PDE1A: variants seen among roughly 807,000 people sequenced by gnomAD.
The protein encoded by PDE1A is phosphodiesterase 1A, also known as dual specificity calcium/calmodulin-dependent 3',5'-cyclic nucleotide phosphodiesterase 1A.
In PDE1A, 35 loss-of-function variants were observed where a neutral mutation model predicts 61.7. That is an observed-to-expected ratio of 0.57 (90% CI 0.43 to 0.75). The LOEUF is 0.75. PDE1A is among the 30% of genes least tolerant of loss of function. The pLI, the probability that PDE1A is intolerant of heterozygous loss-of-function variation, is 0.00. For synonymous variants in PDE1A, 232 were observed against 213.2 expected, an observed-to-expected ratio of 1.09 and a Z score of -0.77; for missense variants, 597 against 630.6, an observed-to-expected ratio of 0.95 and a Z score of 0.57.
the PDE1A span, among the ~76,000 whole-genome samples, chr2:182,687,268 C>T: frequency 1.3e-5 from 2 of 152,194 alleles, no homozygotes; most frequent in Non-Finnish European, 2.9e-5. Context: ...AGTAGCCTTT[C>T]TGGGAGGCAC....
At chr2:182,228,224 T>C (rs548597031) in intron 6 of PDE1A, among the ~76,000 whole-genome samples, 1 of 152,204 alleles carries the variant, frequency 6.6e-6, no homozygotes, top group East Asian at 1.9e-4. Context: ...GCATCAACTC[T>C]CCTCGGCATT....
chr2:182,322,658 T>G (rs1014548774), intron 1 of PDE1A, among the ~76,000 whole-genome samples: 1 of 152,214 alleles, frequency 6.6e-6, no homozygotes, highest in Non-Finnish European at 1.5e-5. Context: ...CAGACTCTGT[T>G]AGACAATTAA....
the PDE1A span, among the ~76,000 whole-genome samples, chr2:182,586,341 C>T: frequency 1.3e-5 from 2 of 152,180 alleles, no homozygotes; most frequent in South Asian, 2.1e-4. Flanking sequence ...CACTACTCTA[C>T]TCAGCCCACT....
chr2:182,432,984 A>G (rs62188265), intron 2 of PDE1A, among the ~76,000 whole-genome samples: 25 of 152,092 alleles, frequency 1.6e-4, no homozygotes, highest in Non-Finnish European at 3.2e-4. Context: ...TTGTTACTTC[A>G]ATATCCTCTA....
chr2:182,341,140 C>T (rs1362979776), intron 1 of PDE1A, among the ~76,000 whole-genome samples: 1 of 152,206 alleles, frequency 6.6e-6, no homozygotes, highest in African/African-American at 2.4e-5. Flanking sequence ...AACATCAACA[C>T]TTTCAATCCC....
chr2:182,637,643 C>T, the PDE1A span, among the ~76,000 whole-genome samples: 10 of 152,196 alleles, frequency 6.6e-5, no homozygotes, highest in Admixed American at 2.6e-4. Context: ...AAAGTCAGGC[C>T]GGGCACTGTG....
the PDE1A span, among the ~76,000 whole-genome samples, chr2:182,651,832 T>C: frequency 1.8e-4 from 27 of 152,292 alleles, no homozygotes; most frequent in South Asian, 4.8e-3. Context: ...ATACAGATCA[T>C]CACAAGGCTG....
the PDE1A span, among the ~76,000 whole-genome samples, chr2:182,694,040 T>A: frequency 1.3e-5 from 2 of 152,238 alleles, no homozygotes; most frequent in Non-Finnish European, 2.9e-5. Context: ...TTTGGTATTA[T>A]ATCTAAATAT....
the PDE1A span, among the ~76,000 whole-genome samples, chr2:182,680,881 G>A: frequency 8.5e-5 from 13 of 152,166 alleles, no homozygotes; most frequent in African/African-American, 9.7e-5. Context: ...ACAGCTCAGG[G>A]ATACTTCTGC....
chr2:182,515,988 G>GTA (rs1690119284), intron 2 of PDE1A, among the ~76,000 whole-genome samples: 1 of 147,194 alleles, frequency 6.8e-6, no homozygotes, highest in Non-Finnish European at 1.5e-5. Context: ...GTGTGTGTGT[G>GTA]TGTGTGTGTG....
At chr2:182,187,927 A>C (rs1685362689) in intron 11 of PDE1A, among the ~76,000 whole-genome samples, 1 of 151,052 alleles carries the variant, frequency 6.6e-6, no homozygotes, top group South Asian at 2.1e-4. Flanking sequence ...TGTATTTTTT[A>C]GTAGAGACGG....
the PDE1A span, among the ~76,000 whole-genome samples, chr2:182,688,730 T>A: frequency 1.3e-5 from 2 of 152,136 alleles, no homozygotes; most frequent in South Asian, 4.1e-4. Flanking sequence ...AGACACAGAC[T>A]GGCAAATTGG....
intron 1 of PDE1A, among the ~76,000 whole-genome samples, chr2:182,312,544 C>T (rs1696054086): frequency 6.6e-6 from 1 of 152,000 alleles, no homozygotes; most frequent in African/African-American, 2.4e-5. Context: ...ATTGAGAGCA[C>T]CATTTGTTGA....
the PDE1A span, among the ~76,000 whole-genome samples, chr2:182,577,324 ATAAT>A: frequency 1.3e-5 from 2 of 152,244 alleles, no homozygotes; most frequent in Non-Finnish European, 2.9e-5. Flanking sequence ...CAAATTAAGA[ATAAT>A]TAATTAGAAT....
At chr2:182,534,065 A>G in the PDE1A span, among the ~76,000 whole-genome samples, 6 of 152,170 alleles carry the variant, frequency 3.9e-5, no homozygotes, top group East Asian at 1.2e-3. Context: ...AATGAAAGTC[A>G]CTCATAACCC....
At chr2:182,279,365 T>A (rs1574235893) in intron 1 of PDE1A, among the ~76,000 whole-genome samples, 1 of 151,942 alleles carries the variant, frequency 6.6e-6, no homozygotes, top group African/African-American at 2.4e-5. Context: ...TAGGACTTGT[T>A]CCCTGGGAAG....
At chr2:182,232,066 A>G (rs563580355) in intron 4 of PDE1A, among the ~76,000 whole-genome samples, 2 of 152,288 alleles carry the variant, frequency 1.3e-5, no homozygotes, top group South Asian at 4.1e-4. Flanking sequence ...ACTTTGCTTG[A>G]GGGACAAGTG....
chr2:182,532,646 T>C, the PDE1A span, among the ~76,000 whole-genome samples: 1 of 152,270 alleles, frequency 6.6e-6, no homozygotes, highest in East Asian at 1.9e-4. Context: ...CTAAAAACCT[T>C]TGAATTATAT....
At chr2:182,657,380 T>C in the PDE1A span, among the ~76,000 whole-genome samples, 1 of 152,232 alleles carries the variant, frequency 6.6e-6, no homozygotes, top group African/African-American at 2.4e-5. Flanking sequence ...TATTTAACAC[T>C]ATTACAAATA....
Sources: gnomAD v4.1 joint callset for allele counts (sites outside exome capture counted in the v4.1 genomes callset) on GRCh38, gnomAD v4.1.1 for gene constraint, MANE v1.5 for transcripts, NCBI Gene and HGNC (gene_info 2026-07-23, HGNC 2026-07-21) for gene names.